PCDHB14: variants seen among roughly 807,000 people sequenced by gnomAD.
The protein encoded by PCDHB14 is protocadherin beta 14, also known as protocadherin beta-14.
For synonymous variants in PCDHB14, 511 were observed against 441.5 expected (o/e 1.16, Z -1.97); for missense variants, 1,129 against 1,000.5 (o/e 1.13, Z -1.73).
Position 141,224,037 on chromosome 5 carries a change from T to C in PCDHB14, c.532T>C (p.Phe178Leu). ...CTACACAATTAGCCCCAATTCTCAC[T>C]TCTACATTAAAATTCCCGACAGTAG... ...QNYTISPNSH[F>L]YIKIPDSSDR... The change falls in exon 1 of 1, where the codon TTC (phenylalanine) becomes CTC (leucine). Residue 178 changes from phenylalanine (F) to leucine (L), a missense_variant. Coordinates refer to ENST00000239449, the MANE Select transcript of PCDHB14 (RefSeq NM_018934.4). 6.2e-7 allele frequency: 1 copy of C among 1,613,740 alleles called. No homozygotes were observed. Among genetic ancestry groups the C allele is most frequent in the Admixed American group, 1.7e-5 (1 of 59,960 alleles).
chr5:141,223,939 G>C lies in PCDHB14; in HGVS notation c.434G>C (p.Gly145Ala), dbSNP rs782792002. The C allele has an allele frequency of 6.2e-7, 1 of 1,613,998 alleles. No homozygotes were observed. The highest frequency in any genetic ancestry group is 2.2e-5 in the East Asian group (1 of 44,886). ...DKEILIKISE[G>A]TTVGATFLME... The stretch of plus-strand genomic sequence containing the variant: ...GAAATACTTATTAAAATATCAGAAG[G>C]TACCACTGTTGGAGCTACCTTTCTA... The change falls in exon 1 of 1, where the codon GGT (glycine) becomes GCT (alanine). Residue 145 changes from glycine (G) to alanine (A), a missense_variant. Gly to Ala is a moderately conservative substitution (Grantham distance 60). Coordinates refer to ENST00000239449, the MANE Select transcript of PCDHB14 (RefSeq NM_018934.4).
Position 141,223,668 on chromosome 5 carries a change from G to T in PCDHB14, c.163G>T (p.Gly55Trp). ...TAATCTAGCGAGGGACCTAGGGCTG[G>T]GGGTGGAGGAGCTGTCTTCACGTGA... ...VANLARDLGL[G>W]VEELSSREAR... The change falls in exon 1 of 1, where the codon GGG becomes TGG. Residue 55 changes from glycine (G) to tryptophan (W), a missense_variant. Gly to Trp is a radical substitution (Grantham distance 184). Coordinates refer to ENST00000239449, the MANE Select transcript of PCDHB14 (RefSeq NM_018934.4). 1 of 1,614,126 alleles carries T rather than the reference G, an allele frequency of 6.2e-7. No individual in the cohort carries two copies. Among genetic ancestry groups the T allele is most frequent in the Non-Finnish European group, 8.5e-7 (1 of 1,180,024 alleles).
Position 141,224,519 on chromosome 5 carries a change from G to T in PCDHB14, c.1014G>T (p.Met338Ile). ...SGKCTLLVKV[M>I]DINDNPPEVT... The stretch of plus-strand genomic sequence containing the variant: ...AATGCACCCTTCTAGTTAAAGTTAT[G>T]GATATAAACGACAACCCACCAGAAG... The change falls in exon 1 of 1, where the codon ATG (methionine) becomes ATT (isoleucine). Residue 338 changes from methionine to isoleucine, a missense_variant. Physicochemically the swap from Met to Ile is conservative, Grantham distance 10. Coordinates refer to ENST00000239449, the MANE Select transcript of PCDHB14 (RefSeq NM_018934.4). The T allele has an allele frequency of 6.2e-7, 1 of 1,612,654 alleles. No homozygotes were observed.
chr5:141,224,457 A>G lies in PCDHB14; in HGVS notation c.952A>G (p.Asn318Asp), dbSNP rs782497305. The G allele has an allele frequency of 1.2e-6, 2 of 1,611,834 alleles. No homozygotes were observed. The highest frequency in any genetic ancestry group is 1.7e-6 in the Non-Finnish European group (2 of 1,179,116). ...TGAAGTAATACAGTCCTACACTATA[A>G]ATATTCAGGCAACAGATGGTGGGGG... ...DFEVIQSYTINIQATDGGGLS... is the reference protein window; with the variant it reads ...DFEVIQSYTIDIQATDGGGLS... Residue 318 changes from asparagine to aspartate, a missense_variant, in exon 1 of 1, where the codon AAT becomes GAT. Transcript: ENST00000239449.
chr5:141,227,133 A>G lies in PCDHB14; in HGVS notation c.*1231A>G, dbSNP rs781963505. 1 of 152,226 alleles carries G rather than the reference A, an allele frequency of 6.6e-6. No homozygotes were observed. Among genetic ancestry groups the G allele is most frequent in the Non-Finnish European group, 1.5e-5 (1 of 68,052 alleles). 9.4% of individuals were successfully genotyped at this position (152,226 alleles called of 1,614,324 possible). A position where few individuals can be genotyped will look rare whatever the true frequency, so the allele number is the denominator to read the frequency against. On this transcript the variant is annotated 3_prime_UTR_variant, in exon 1 of 1. Transcript: ENST00000239449. ...AGGCATGAGCCATTACGTCTGGCCTAGTTTTCTTTAAATACACCGTGTTTA... is the reference window on the plus strand; with the variant it reads ...AGGCATGAGCCATTACGTCTGGCCTGGTTTTCTTTAAATACACCGTGTTTA...
rs781961321 is a variant in PCDHB14 at position 141,225,498 on chromosome 5, G to T, written c.1993G>T (p.Gly665Cys). Residue 665 changes from glycine (G) to cysteine (C), a missense_variant, in exon 1 of 1, where the codon GGC (glycine) becomes TGC (cysteine). By Grantham distance (159) the Gly-to-Cys change is radical. Transcript: ENST00000239449. The part of the protein sequence containing the change: ...TATLHVLLVD[G>C]FSQPYLPLPE... ...CACGCTGCACGTGCTCCTGGTGGAC[G>T]GCTTCTCCCAGCCCTACCTGCCGCT... is the stretch of plus-strand genomic sequence containing the variant. 1.2e-6 allele frequency: 2 copies of T among 1,607,056 alleles called. No individual in the cohort carries two copies. Among genetic ancestry groups the T allele is most frequent in the East Asian group, 4.5e-5 (2 of 44,862 alleles).
Position 141,225,411 on chromosome 5 carries a change from G to A in PCDHB14, c.1906G>A (p.Ala636Thr), listed in dbSNP as rs1754829600. 1.9e-6 allele frequency: 3 copies of A among 1,604,738 alleles called. No individual in the cohort carries two copies. Among genetic ancestry groups the A allele is most frequent in the African/African-American group, 2.7e-5 (2 of 74,846 alleles). Residue 636 changes from alanine (A) to threonine (T), a missense_variant, in exon 1 of 1, where the codon GCC becomes ACC. Physicochemically the swap from Ala to Thr is moderately conservative, Grantham distance 58. Transcript: ENST00000239449. Reference protein sequence around the residue: ...TARLLSERDAAKHRLVVLVKD... With the variant: ...TARLLSERDATKHRLVVLVKD... ...CAGGCTGCTGAGCGAGCGCGACGCG[G>A]CCAAGCACAGGCTGGTGGTGCTGGT...
chr5:141,224,581 A>T lies in PCDHB14; in HGVS notation c.1076A>T (p.Asn359Ile). The T allele has an allele frequency of 6.2e-7, 1 of 1,613,366 alleles. No individual in the cohort carries two copies. The highest frequency in any genetic ancestry group is 1.7e-5 in the Admixed American group (1 of 59,836). The change falls in exon 1 of 1, where the codon AAT becomes ATT. Residue 359 changes from asparagine (N) to isoleucine (I), a missense_variant. Coordinates refer to ENST00000239449, the MANE Select transcript of PCDHB14 (RefSeq NM_018934.4). The stretch of plus-strand genomic sequence containing the variant: ...TCGATTACAAAGAGAATTCCAGAGA[A>T]TGCCTCAGAGACCCTAGTAGCTCTT... The part of the protein sequence containing the change: ...ISSITKRIPE[N>I]ASETLVALFS...
chr5:141,224,592 A>G lies in PCDHB14; in HGVS notation c.1087A>G (p.Thr363Ala). ...TKRIPENASE[T>A]LVALFSILDQ... ...GAGAATTCCAGAGAATGCCTCAGAG[A>G]CCCTAGTAGCTCTTTTTAGTATCCT... Residue 363 changes from threonine to alanine, a missense_variant, in exon 1 of 1, where the codon ACC (threonine) becomes GCC (alanine). Physicochemically the swap from Thr to Ala is moderately conservative, Grantham distance 58. Transcript: ENST00000239449. 1 of 1,613,550 alleles carries G rather than the reference A, an allele frequency of 6.2e-7. No homozygotes were observed. Among genetic ancestry groups the G allele is most frequent in the Non-Finnish European group, 8.5e-7 (1 of 1,179,884 alleles).
Position 141,225,212 on chromosome 5 carries a change from C to A in PCDHB14, c.1707C>A (p.Ser569=). Residue 569 remains serine (S), a synonymous_variant, in exon 1 of 1, where the codon TCC becomes TCA. Transcript: ENST00000239449. ...TGCTGTACCCGCTGCAGAACGGCTC[C>A]GCGCCCTGCACCGAGCTGGTGCCCC... ...PFVLYPLQNG[S]APCTELVPRA... is the part of the protein sequence containing the mutation. The A allele has an allele frequency of 6.2e-7, 1 of 1,606,096 alleles. No homozygotes were observed. The highest frequency in any genetic ancestry group is 1.1e-5 in the South Asian group (1 of 90,860).
Position 141,225,630 on chromosome 5 carries a change from G to C in PCDHB14, c.2125G>C (p.Val709Leu). ...CTTCCTCTTCTCGGTGCTCCTGTTC[G>C]TGGCGGTGCGGCTGTGCAGGAGGAG... ...SLFLFSVLLFVAVRLCRRSRA... is the reference protein window; with the variant it reads ...SLFLFSVLLFLAVRLCRRSRA... The change falls in exon 1 of 1, where the codon GTG becomes CTG. Residue 709 changes from valine (V) to leucine (L), a missense_variant. By Grantham distance (32) the Val-to-Leu change is conservative. Coordinates refer to ENST00000239449, the MANE Select transcript of PCDHB14 (RefSeq NM_018934.4). 1 of 1,613,076 alleles carries C rather than the reference G, an allele frequency of 6.2e-7. No homozygotes were observed. The highest frequency in any genetic ancestry group is 8.5e-7 in the Non-Finnish European group (1 of 1,179,944).
In PCDHB14 at chr5:141,224,518, T is replaced by A; in HGVS notation, c.1013T>A (p.Met338Lys). ...SGKCTLLVKV[M>K]DINDNPPEVT... Reference sequence around the variant, plus strand: ...AAATGCACCCTTCTAGTTAAAGTTATGGATATAAACGACAACCCACCAGAA... The same window carrying A: ...AAATGCACCCTTCTAGTTAAAGTTAAGGATATAAACGACAACCCACCAGAA... Residue 338 changes from methionine (M) to lysine (K), a missense_variant, in exon 1 of 1, where the codon ATG (methionine) becomes AAG (lysine). Physicochemically the swap from Met to Lys is moderately conservative, Grantham distance 95 (BLOSUM62 -1). Transcript: ENST00000239449. 6.2e-7 allele frequency: 1 copy of A among 1,612,942 alleles called. No individual in the cohort carries two copies. Among genetic ancestry groups the A allele is most frequent in the South Asian group, 1.1e-5 (1 of 90,806 alleles).
In PCDHB14 at chr5:141,225,560, C is replaced by G. The variant is rs3896535; in HGVS notation, c.2055C>G (p.Ser685=). 3,083 of 1,610,972 alleles carry G rather than the reference C, an allele frequency of 1.9e-3. 54 individuals carry two copies. The East Asian group carries it at 0.041, about 21-fold the overall frequency. Residue 685 remains serine (S), a synonymous_variant, in exon 1 of 1, where the codon TCC becomes TCG. Transcript: ENST00000239449. Reference sequence around the variant, plus strand: ...CCCCGGCCCAGGCCCAGGCCGACTCCCTCACCGTCTACCTGGTGGTGGCAT... The same window carrying G: ...CCCCGGCCCAGGCCCAGGCCGACTCGCTCACCGTCTACCTGGTGGTGGCAT... The part of the protein sequence containing the change: ...EAAPAQAQAD[S]LTVYLVVALA...
chr5:141,226,766 C>T lies in PCDHB14; in HGVS notation c.*864C>T, dbSNP rs1012852873. On this transcript the variant is annotated 3_prime_UTR_variant, in exon 1 of 1. Transcript: ENST00000239449. ...TGTATTTTTTTTGTACAGATGGAAT[C>T]TTGCCATGTTTCCCAGTCTGGTCTG... The T allele has an allele frequency of 6.6e-6, 1 of 152,208 alleles. No homozygotes were observed. Among genetic ancestry groups the T allele is most frequent in the African/African-American group, 2.4e-5 (1 of 41,448 alleles). 9.4% of individuals were successfully genotyped at this position (152,208 alleles called of 1,614,324 possible). A position where few individuals can be genotyped will look rare whatever the true frequency, so the allele number is the denominator to read the frequency against.
chr5:141,227,169 T>A lies in PCDHB14; in HGVS notation c.*1267T>A, dbSNP rs1754878084. Reference sequence around the variant, plus strand: ...AATACACCGTGTTTACTAGCTTAAATTTTGTGTTGTTTATTACTAAAGCAG... The same window carrying A: ...AATACACCGTGTTTACTAGCTTAAAATTTGTGTTGTTTATTACTAAAGCAG... On this transcript the variant is annotated 3_prime_UTR_variant, in exon 1 of 1. Transcript: ENST00000239449. 6.6e-6 allele frequency: 1 copy of A among 152,224 alleles called. No homozygotes were observed. The highest frequency in any genetic ancestry group is 1.5e-5 in the Non-Finnish European group (1 of 68,034). The allele number at this position is 152,224 out of a possible 1,614,324, so 9.4% of individuals were successfully genotyped here.
chr5:141,225,095 C>T lies in PCDHB14; in HGVS notation c.1590C>T (p.Arg530=), dbSNP rs782047662. The change falls in exon 1 of 1, where the codon CGC becomes CGT. Residue 530 remains arginine, a synonymous_variant. Coordinates refer to ENST00000239449, the MANE Select transcript of PCDHB14 (RefSeq NM_018934.4). ...AGGCCCTACAGGAGTTCGAGTTTCG[C>T]GTGGGCGCCACAGACCGCGGGTCCC... ...DYEALQEFEF[R]VGATDRGSPA... 5 of 1,612,212 alleles carry T rather than the reference C, an allele frequency of 3.1e-6. No homozygotes were observed. Among genetic ancestry groups the T allele is most frequent in the Non-Finnish European group, 2.5e-6 (3 of 1,179,870 alleles).
In PCDHB14 at chr5:141,225,185, C is replaced by T. The variant is rs1211184066; in HGVS notation, c.1680C>T (p.Phe560=). 3.1e-6 allele frequency: 5 copies of T among 1,609,840 alleles called. No homozygotes were observed. The highest frequency in any genetic ancestry group is 4.2e-6 in the Non-Finnish European group (5 of 1,179,436). Residue 560 remains phenylalanine (F), a synonymous_variant, in exon 1 of 1, where the codon TTC becomes TTT. Transcript: ENST00000239449. ...LVLDANDNSP[F]VLYPLQNGSA... ...TGGACGCCAACGACAACTCGCCCTT[C>T]GTGCTGTACCCGCTGCAGAACGGCT...
At position 141,223,416 on chromosome 5, in the gene PCDHB14, T is replaced by A. The variant is rs1225501918; in HGVS notation, c.-90T>A. 3.3e-6 allele frequency: 3 copies of A among 922,762 alleles called. No homozygotes were observed. The highest frequency in any genetic ancestry group is 3.3e-5 in the African/African-American group (2 of 60,184). The allele number at this position is 922,762 out of a possible 1,614,324, so 57.2% of individuals were successfully genotyped here. ...TACAGAGCTGCTGGAGGATACACTC[T>A]CCAGGGGGTTCCTGTTAAAAACCAG... is the stretch of plus-strand genomic sequence containing the variant. On this transcript the variant is annotated 5_prime_UTR_variant, in exon 1 of 1. Transcript: ENST00000239449.
At position 141,225,886 on chromosome 5, in the gene PCDHB14, G is replaced by A. The variant is rs2149686838; in HGVS notation, c.2381G>A (p.Gly794Glu). Reference protein sequence around the residue: ...GEIENFRNSFGLNIQ With the variant: ...GEIENFRNSFELNIQ ...ATCGAGAACTTTCGAAATAGCTTTG[G>A]ACTTAACATTCAATAAAACAATTTA... Residue 794 changes from glycine to glutamate, a missense_variant, in exon 1 of 1, where the codon GGA becomes GAA. Gly to Glu is a moderately conservative substitution (Grantham distance 98). Coordinates refer to ENST00000239449, the MANE Select transcript of PCDHB14 (RefSeq NM_018934.4). 1 of 1,606,228 alleles carries A rather than the reference G, an allele frequency of 6.2e-7. No individual in the cohort carries two copies. Among genetic ancestry groups the A allele is most frequent in the Middle Eastern group, 1.7e-4 (1 of 6,004 alleles).
Sources: gnomAD v4.1 joint callset for allele counts on GRCh38, gnomAD v4.1.1 for gene constraint, MANE v1.5 for transcripts, NCBI Gene and HGNC (gene_info 2026-07-23, HGNC 2026-07-21) for gene names.